Variants in EPS8 observed in about 807,000 individuals in gnomAD.
The protein encoded by EPS8 is EGFR pathway substrate 8, signaling adaptor.
EPS8 carries 42 observed loss-of-function variants against 103.8 expected under a neutral mutation model. The ratio of observed to expected loss-of-function variants is 0.40; its 90% confidence interval spans 0.32 to 0.52. The LOEUF is 0.52. Among genes scored for constraint, EPS8 ranks in the 20% least tolerant of loss-of-function variants. The pLI, the probability that EPS8 is intolerant of heterozygous loss-of-function variation, is 0.40. For missense variants in EPS8, 969 were observed against 1,005.1 expected (o/e 0.96, Z 0.49); for synonymous variants, 344 against 344.6 (o/e 1.00, Z 0.02).
intron 1 of EPS8, among the ~76,000 whole-genome samples, chr12:15,723,961 A>T (rs771112348): frequency 6.6e-6 from 1 of 152,204 alleles, no homozygotes; most frequent in Non-Finnish European, 1.5e-5. Context: ...GCATCATTAC[A>T]TCATTTATAT....
rs549221737 is a variant in EPS8, at chr12:15,728,082, T to C, written c.-21-45110A>G. On this transcript the variant is annotated intron_variant, in intron 1 of 20. Transcript: ENST00000281172. This position sits in a 1 kb window ranked among gnomAD's most constrained non-coding sequence, Gnocchi z 4.5. ...GGAATAATCAACAGATTAAAAAGCA[T>C]TGATGTAGCTAATTCTACTAAATCA... 6 of 152,350 alleles carry C rather than the reference T, an allele frequency of 3.9e-5. No homozygotes were observed. Among genetic ancestry groups the C allele is most frequent in the South Asian group, 4.1e-4 (2 of 4,828 alleles). 9.4% of individuals were successfully genotyped at this position (152,350 alleles called of 1,614,324 possible).
chr12:15,631,366 T>G, intron 18 of EPS8, 76 bp downstream of exon 18: 1 of 1,586,316 alleles, frequency 6.3e-7, no homozygotes, highest in Admixed American at 1.7e-5. Context: ...ACAAGTAGAA[T>G]CAGCAGTAAA....
rs1347432280 is a variant in EPS8, at chr12:15,763,140, A to C, written c.-22+26021T>G. Among the ~76,000 whole-genome samples the C allele has an allele frequency of 5.9e-5, 9 of 152,304 alleles. No individual in the cohort carries two copies. The East Asian group carries it at 1.5e-3, about 26-fold the overall frequency. On this transcript the variant is annotated intron_variant, in intron 1 of 20. Coordinates refer to ENST00000281172, the MANE Select transcript of EPS8 (RefSeq NM_004447.6). ...TAAAAGATTACAGTTAGTATTACTCATACAGGCTTATATTTTAAAATAGAT... is the reference window on the plus strand; with the variant it reads ...TAAAAGATTACAGTTAGTATTACTCCTACAGGCTTATATTTTAAAATAGAT...
Position 15,697,635 on chromosome 12 carries a change from G to A in EPS8, c.-21-14663C>T, listed in dbSNP as rs915012995. 1.8e-4 allele frequency among the ~76,000 whole-genome samples: 27 copies of A among 152,140 alleles called. No homozygotes were observed. Among genetic ancestry groups the A allele is most frequent in the South Asian group, 8.3e-4 (4 of 4,824 alleles). ...GCCACATAGAGGAAAATAATGGCTA[G>A]AGTTTTTTACCCAAAAATCACATGC... is the stretch of plus-strand genomic sequence containing the variant. On this transcript the variant is annotated intron_variant, in intron 1 of 20. Coordinates refer to ENST00000281172, the MANE Select transcript of EPS8 (RefSeq NM_004447.6). The surrounding 1 kb of genome is among the most constrained non-coding windows in gnomAD (Gnocchi z 5.6).
intron 1 of EPS8, among the ~76,000 whole-genome samples, chr12:15,686,968 T>G (rs1269941354): frequency 6.6e-6 from 1 of 152,144 alleles, no homozygotes; most frequent in African/African-American, 2.4e-5. Context: ...TGTCTAGGTT[T>G]CAATTTAATT....
intron 1 of EPS8, among the ~76,000 whole-genome samples, chr12:15,710,095 G>A (rs199569348): frequency 4.5e-5 from 1 of 22,048 alleles, no homozygotes; most frequent in African/African-American, 5.1e-5. Context: ...GGGGTTGGGG[G>A]ACCCCTGGCT....
chr12:15,746,065 T>C (rs1008558615), intron 1 of EPS8, among the ~76,000 whole-genome samples: 2 of 152,118 alleles, frequency 1.3e-5, no homozygotes, highest in African/African-American at 2.4e-5. Flanking sequence ...CAGGCCAGTA[T>C]TGGTCTTTTT....
intron 1 of EPS8, among the ~76,000 whole-genome samples, chr12:15,741,460 T>A (rs1946821854): frequency 6.6e-6 from 1 of 152,198 alleles, no homozygotes; most frequent in Non-Finnish European, 1.5e-5. Context: ...GTTGACCATC[T>A]GCAGTTTGGG....
At chr12:15,661,978 T>G (rs1945613077) in intron 9 of EPS8, 48 bp downstream of exon 9, 3 of 1,343,418 alleles carry the variant, frequency 2.2e-6, no homozygotes, top group Non-Finnish European at 2.1e-6. Flanking sequence ...GTTTTCTTTT[T>G]CCTCTTAAAA....
At position 15,751,330 on chromosome 12, in the gene EPS8, C is replaced by T. The variant is rs927137791; in HGVS notation, c.-22+37831G>A. ...CTGAGATCACGCCACTGCACTCCAG[C>T]CTGGGCGACAGAGTGAGACTCCATC... is the stretch of plus-strand genomic sequence containing the variant. On this transcript the variant is annotated intron_variant, in intron 1 of 20. Coordinates refer to ENST00000281172, the MANE Select transcript of EPS8 (RefSeq NM_004447.6). The surrounding 1 kb of genome is among the most constrained non-coding windows in gnomAD (Gnocchi z 4.3). 6.6e-6 allele frequency among the ~76,000 whole-genome samples: 1 copy of T among 152,116 alleles called. No individual in the cohort carries two copies. Among genetic ancestry groups the T allele is most frequent in the Non-Finnish European group, 1.5e-5 (1 of 68,032 alleles).
In EPS8 at chr12:15,678,828, C is replaced by T. The variant is rs560617101; in HGVS notation, c.136+2398G>A. On this transcript the variant is annotated intron_variant, in intron 3 of 20. Transcript: ENST00000281172. The stretch of plus-strand genomic sequence containing the variant: ...ACTCTGGAGGCTGAGGCAAGAGAAT[C>T]GCTTGAACCCTGGAGGCGGAGGCTG... Among the ~76,000 whole-genome samples, 12 of 149,362 alleles carry T rather than the reference C, an allele frequency of 8.0e-5. No individual in the cohort carries two copies. In the South Asian group the frequency reaches 8.4e-4, roughly 11 times the overall value.
At chr12:15,683,027 G>A (rs1222195978) in intron 1 of EPS8, 55 bp from the exon 2 acceptor site, 3 of 864,616 alleles carry the variant, frequency 3.5e-6, no homozygotes, top group Non-Finnish European at 5.4e-6. Flanking sequence ...AGACATCTCA[G>A]TTTCAAAAGT....
chr12:15,621,249 A>G lies in EPS8; in HGVS notation c.*68T>C. 3 of 772,720 alleles carry G rather than the reference A, an allele frequency of 3.9e-6. No individual in the cohort carries two copies. Among genetic ancestry groups the G allele is most frequent in the Non-Finnish European group, 6.1e-6 (3 of 490,630 alleles). 47.9% of individuals were successfully genotyped at this position (772,720 alleles called of 1,614,324 possible). ...AAAAATGAATCTGACATTCCCTTCAAGGCTTCTTAAAACAAAGCATGTTGG... is the reference window on the plus strand; with the variant it reads ...AAAAATGAATCTGACATTCCCTTCAGGGCTTCTTAAAACAAAGCATGTTGG... On this transcript the variant is annotated 3_prime_UTR_variant, in exon 21 of 21. Transcript: ENST00000281172.
chr12:15,688,681 T>A lies in EPS8; in HGVS notation c.-21-5709A>T, dbSNP rs553271227. ...GACTCCAGGGGAAAACCATTCTCCCTTGTGGCTCCCCCATCTGCTGAGAGC... is the reference window on the plus strand; with the variant it reads ...GACTCCAGGGGAAAACCATTCTCCCATGTGGCTCCCCCATCTGCTGAGAGC... On this transcript the variant is annotated intron_variant, in intron 1 of 20. Transcript: ENST00000281172. The surrounding 1 kb of genome is among the most constrained non-coding windows in gnomAD (Gnocchi z 5.1). 6.6e-6 allele frequency among the ~76,000 whole-genome samples: 1 copy of A among 152,084 alleles called. No individual in the cohort carries two copies. The highest frequency in any genetic ancestry group is 6.5e-5 in the Admixed American group (1 of 15,268).
chr12:15,728,600 A>G lies in EPS8; in HGVS notation c.-21-45628T>C, dbSNP rs969819137. ...CACCATATTTATGTGAGGATAGCAT[A>G]TATCTTTTACATGAAAATACAAGGC... On this transcript the variant is annotated intron_variant, in intron 1 of 20. Transcript: ENST00000281172. This position sits in a 1 kb window ranked among gnomAD's most constrained non-coding sequence, Gnocchi z 4.5. Among the ~76,000 whole-genome samples, 1 of 152,222 alleles carries G rather than the reference A, an allele frequency of 6.6e-6. No homozygotes were observed. The highest frequency in any genetic ancestry group is 2.4e-5 in the African/African-American group (1 of 41,458).
At chr12:15,657,493 C>A (rs1204391107) in intron 12 of EPS8, among the ~76,000 whole-genome samples, 1 of 152,140 alleles carries the variant, frequency 6.6e-6, no homozygotes, top group African/African-American at 2.4e-5. Context: ...TTATTGGCTA[C>A]CCCACTATGT....
chr12:15,665,889 C>T lies in EPS8; in HGVS notation c.603G>A (p.Met201Ile). 1 of 1,613,558 alleles carries T rather than the reference C, an allele frequency of 6.2e-7. No homozygotes were observed. Among genetic ancestry groups the T allele is most frequent in the Non-Finnish European group, 8.5e-7 (1 of 1,179,832 alleles). Residue 201 changes from methionine to isoleucine, a missense_variant, in exon 8 of 21, where the codon ATG becomes ATA. Physicochemically the swap from Met to Ile is conservative, Grantham distance 10. Coordinates refer to ENST00000281172, the MANE Select transcript of EPS8 (RefSeq NM_004447.6). ...KQKRRPDALR[M>I]ISNADPSIPP... is the part of the protein sequence containing the mutation. ...GTATACTAGGGTCTGCATTGGAAAT[C>T]ATCCTTAAAAAGATGAAAACAAATA...
rs1946363670 is a variant in EPS8, at chr12:15,704,893, T to C, written c.-21-21921A>G. Among the ~76,000 whole-genome samples the C allele has an allele frequency of 6.6e-6, 1 of 152,146 alleles. No homozygotes were observed. Among genetic ancestry groups the C allele is most frequent in the South Asian group, 2.1e-4 (1 of 4,828 alleles). On this transcript the variant is annotated intron_variant, in intron 1 of 20. Transcript: ENST00000281172. The surrounding 1 kb of genome is among the most constrained non-coding windows in gnomAD (Gnocchi z 4.6). ...ATGTACTAGAAGATTAACAATTTCC[T>C]TGGCATGCGTGCGCATGCACACACA... is the stretch of plus-strand genomic sequence containing the variant.
chr12:15,787,016 G>A lies in EPS8; in HGVS notation c.-22+2145C>T, dbSNP rs1304429578. Among the ~76,000 whole-genome samples the A allele has an allele frequency of 6.6e-6, 1 of 152,054 alleles. No individual in the cohort carries two copies. Among genetic ancestry groups the A allele is most frequent in the Non-Finnish European group, 1.5e-5 (1 of 67,974 alleles). The stretch of plus-strand genomic sequence containing the variant: ...TACCAAGTATGTTTCACACAACTCA[G>A]GAAAGCTGAGTTGTATATAAATATT... On this transcript the variant is annotated intron_variant, in intron 1 of 20. Transcript: ENST00000281172. The surrounding 1 kb of genome is among the most constrained non-coding windows in gnomAD (Gnocchi z 4.9).
Sources: allele counts gnomAD v4.1 joint callset (sites outside exome capture counted in the v4.1 genomes callset), GRCh38; gene constraint gnomAD v4.1.1; non-coding constraint Gnocchi (gnomAD v3.1); transcripts MANE v1.5; gene names NCBI Gene and HGNC (gene_info 2026-07-23, HGNC 2026-07-21).